TOM1L2: variants seen among roughly 807,000 people sequenced by gnomAD.
TOM1L2 encodes the protein TOM1-like protein 2.
TOM1L2 carries 31 observed loss-of-function variants against 67.9 expected under a neutral mutation model. That is an observed-to-expected ratio of 0.46 (90% CI 0.34 to 0.62). The LOEUF (loss-of-function observed/expected upper bound fraction) is 0.62, where lower values mean the gene tolerates loss of function less well. Ranked by LOEUF, TOM1L2 falls within the 20% of genes least tolerant of loss-of-function variation. TOM1L2 has a pLI of 0.01. For synonymous variants in TOM1L2, 256 were observed against 254.0 expected, an observed-to-expected ratio of 1.01 and a Z score of -0.07; for missense variants, 606 against 663.5, an observed-to-expected ratio of 0.91 and a Z score of 0.95.
At chr17:17,918,089 G>A (rs548801548) in intron 1 of TOM1L2, among the ~76,000 whole-genome samples, 23 of 152,024 alleles carry the variant, frequency 1.5e-4, no homozygotes, top group Admixed American at 6.5e-4. Context: ...TAATTCCTAG[G>A]TATTTTATTT....
At position 17,852,095 on chromosome 17, in the gene TOM1L2, T is replaced by C. The variant is rs1165931290; in HGVS notation, c.1279-1143A>G. 2.2e-5 allele frequency among the ~76,000 whole-genome samples: 3 copies of C among 138,238 alleles called. No individual in the cohort carries two copies. The East Asian group carries it at 5.8e-4, about 27-fold the overall frequency. 90.7% of individuals were successfully genotyped at this position (138,238 alleles called of 152,430 possible). A position where few individuals can be genotyped will look rare whatever the true frequency, so the allele number is the denominator to read the frequency against. ...TTCCGGGGCTCACTTGCAAGACCCC[T>C]ATTTCTATTACAAAAATGCCAGCTC... On this transcript the variant is annotated intron_variant, in intron 12 of 14. Transcript: ENST00000379504.
chr17:17,851,064 T>A, intron 12 of TOM1L2, 112 bp from the exon 13 acceptor site: 1 of 1,192,268 alleles, frequency 8.4e-7, no homozygotes, highest in Non-Finnish European at 1.2e-6. Flanking sequence ...AACCAAAATG[T>A]ACACAGAGCA....
chr17:17,960,261 C>T (rs1385316103), intron 1 of TOM1L2, among the ~76,000 whole-genome samples: 1 of 152,250 alleles, frequency 6.6e-6, no homozygotes, highest in Non-Finnish European at 1.5e-5. Flanking sequence ...AGAGCACCAG[C>T]TCTGCTGCCC....
intron 8 of TOM1L2, among the ~76,000 whole-genome samples, 173 bp from the exon 9 acceptor site, chr17:17,867,097 TC>T (rs1311268148): frequency 6.6e-6 from 1 of 151,476 alleles, no homozygotes; most frequent in African/African-American, 2.4e-5. Flanking sequence ...TGTGTGGGGC[TC>T]CCCCTGAGAG....
At chr17:17,883,771 T>A (rs1366359792) in intron 5 of TOM1L2, among the ~76,000 whole-genome samples, 1 of 152,126 alleles carries the variant, frequency 6.6e-6, no homozygotes, top group South Asian at 2.1e-4. Context: ...TGCTTGCCCT[T>A]TGGGTATCTC....
intron 1 of TOM1L2, among the ~76,000 whole-genome samples, chr17:17,916,309 G>A (rs1488133749): frequency 2.0e-5 from 3 of 152,038 alleles, no homozygotes; most frequent in Non-Finnish European, 2.9e-5. Flanking sequence ...TCCTGACCTC[G>A]TGATCTGCCT....
chr17:17,873,215 T>C (rs1388270785), intron 7 of TOM1L2, among the ~76,000 whole-genome samples: 1 of 152,190 alleles, frequency 6.6e-6, no homozygotes, highest in Non-Finnish European at 1.5e-5. Context: ...TTTTCAAACA[T>C]ACAGCAAAAC....
intron 1 of TOM1L2, among the ~76,000 whole-genome samples, chr17:17,962,649 C>T (rs1455936118): frequency 1.3e-5 from 2 of 151,988 alleles, no homozygotes; most frequent in Non-Finnish European, 2.9e-5. Flanking sequence ...GAACTGCACA[C>T]TTAAAACCAG....
chr17:17,902,583 C>T (rs144347240), intron 2 of TOM1L2, among the ~76,000 whole-genome samples: 2 of 152,284 alleles, frequency 1.3e-5, no homozygotes, highest in African/African-American at 2.4e-5. Context: ...GGGTAGGGGG[C>T]GCTGCTTGTG....
At chr17:17,943,405 G>C (rs1245631236) in intron 1 of TOM1L2, among the ~76,000 whole-genome samples, 3 of 152,202 alleles carry the variant, frequency 2.0e-5, no homozygotes, top group Admixed American at 2.0e-4. Flanking sequence ...GCTGGGGTGC[G>C]ACAGAGGGCT....
chr17:17,889,895 G>A (rs1192481053), intron 4 of TOM1L2, among the ~76,000 whole-genome samples: 2 of 152,132 alleles, frequency 1.3e-5, no homozygotes, highest in Non-Finnish European at 2.9e-5. Context: ...CTGATACCAC[G>A]ATGGTGCAGA....
At chr17:17,912,601 A>T (rs2039436307) in intron 1 of TOM1L2, among the ~76,000 whole-genome samples, 1 of 150,080 alleles carries the variant, frequency 6.7e-6, no homozygotes, top group Non-Finnish European at 1.5e-5. Flanking sequence ...GGCCGGGCAG[A>T]GACGCTCTTC....
chr17:17,911,706 G>A (rs1360720745), intron 1 of TOM1L2, among the ~76,000 whole-genome samples: 1 of 149,672 alleles, frequency 6.7e-6, no homozygotes, highest in East Asian at 2.0e-4. Flanking sequence ...TCACAGAGGG[G>A]GATTTGGCAG....
At chr17:17,874,738 C>T (rs957023172) in intron 7 of TOM1L2, among the ~76,000 whole-genome samples, 20 of 152,206 alleles carry the variant, frequency 1.3e-4, no homozygotes, top group African/African-American at 4.8e-4. Context: ...CTGCCTCTTC[C>T]CCACAGCCTT....
intron 3 of TOM1L2, 136 bp downstream of exon 3, chr17:17,898,460 T>C (rs1290214834): frequency 8.4e-6 from 7 of 833,116 alleles, no homozygotes; most frequent in African/African-American, 3.4e-5. Flanking sequence ...AAGGCTTTGC[T>C]GGACTCCAGT....
At chr17:17,892,082 A>G (rs112370353) in intron 4 of TOM1L2, among the ~76,000 whole-genome samples, 39 of 152,308 alleles carry the variant, frequency 2.6e-4, no homozygotes, top group African/African-American at 9.1e-4. Context: ...GACCACAAAA[A>G]AGGATGATGT....
intron 2 of TOM1L2, among the ~76,000 whole-genome samples, chr17:17,904,934 T>C (rs1357257096): frequency 1.3e-5 from 2 of 152,232 alleles, no homozygotes; most frequent in African/African-American, 4.8e-5. Flanking sequence ...TTGCCAGTCC[T>C]GCCAGGTGAG....
intron 1 of TOM1L2, among the ~76,000 whole-genome samples, chr17:17,927,663 CTT>C (rs1191502051): frequency 4.1e-4 from 57 of 139,248 alleles, no homozygotes; most frequent in Admixed American, 3.6e-4. Flanking sequence ...GTTGGCTATA[CTT>C]TTTTTTTTTT....
chr17:17,850,258 AG>A, intron 13 of TOM1L2, among the ~76,000 whole-genome samples: 1 of 152,258 alleles, frequency 6.6e-6, no homozygotes, highest in South Asian at 2.1e-4. Context: ...TAAAGAACAG[AG>A]GGAGGGGCCA....
Sources: gnomAD v4.1 joint callset for allele counts (sites outside exome capture counted in the v4.1 genomes callset) on GRCh38, gnomAD v4.1.1 for gene constraint, MANE v1.5 for transcripts, NCBI Gene and HGNC (gene_info 2026-07-23, HGNC 2026-07-21) for gene names.